Variants in DENR observed in about 807,000 individuals in gnomAD.
The protein encoded by DENR is density regulated re-initiation and release factor, also known as density-regulated protein.
In DENR, 6 loss-of-function variants were observed where a neutral mutation model predicts 30.6. That is an observed-to-expected ratio of 0.20 (90% CI 0.11 to 0.39). The LOEUF (loss-of-function observed/expected upper bound fraction) is 0.39. Ranked by LOEUF, DENR falls within the 10% of genes least tolerant of loss-of-function variation. The pLI is 1.00. For missense variants in DENR, 141 were observed against 230.9 expected (o/e 0.61, Z 2.52); for synonymous variants, 78 against 72.1 (o/e 1.08, Z -0.41).
At position 122,767,489 on chromosome 12, in the gene DENR, T is replaced by C; in HGVS notation, c.297T>C (p.Gly99=). Residue 99 remains glycine (G), a splice_region_variant and synonymous_variant, in exon 6 of 8, where the codon GGT becomes GGC. Coordinates refer to ENST00000280557, the MANE Select transcript of DENR (RefSeq NM_003677.5). ...EEEEKKKQKR[G]GRGQIKQKKK... ...TAAGCTCTTTCTTAATAAATAAAGGTGGAAGGGGTCAAATAAAACAAAAAA... is the reference window on the plus strand; with the variant it reads ...TAAGCTCTTTCTTAATAAATAAAGGCGGAAGGGGTCAAATAAAACAAAAAA... 6.5e-7 allele frequency: 1 copy of C among 1,542,640 alleles called. No homozygotes were observed. Among genetic ancestry groups the C allele is most frequent in the Non-Finnish European group, 8.7e-7 (1 of 1,143,736 alleles).
At chr12:122,765,092 G>T (rs1878812450) in intron 4 of DENR, among the ~76,000 whole-genome samples, 1 of 152,126 alleles carries the variant, frequency 6.6e-6, no homozygotes, top group Non-Finnish European at 1.5e-5. Flanking sequence ...TCAAAAGACT[G>T]GGTTTTCTCT....
At chr12:122,759,010 A>G (rs561936134) in intron 2 of DENR, among the ~76,000 whole-genome samples, 1 of 151,466 alleles carries the variant, frequency 6.6e-6, no homozygotes, top group African/African-American at 2.4e-5. Flanking sequence ...ACACCCGGCT[A>G]ATTTTTGTAT....
intron 2 of DENR, among the ~76,000 whole-genome samples, chr12:122,754,571 G>A (rs1183890263): frequency 6.6e-6 from 1 of 152,182 alleles, no homozygotes; most frequent in African/African-American, 2.4e-5. Flanking sequence ...TGGGGCCTGA[G>A]TAGTGAATAA....
At chr12:122,756,544 T>A (rs897020736) in intron 2 of DENR, among the ~76,000 whole-genome samples, 9 of 152,128 alleles carry the variant, frequency 5.9e-5, no homozygotes, top group Non-Finnish European at 1.3e-4. Context: ...GGGGAAGACT[T>A]CATAGAGGCA....
chr12:122,755,334 C>T (rs762219597), intron 2 of DENR, among the ~76,000 whole-genome samples: 91 of 152,170 alleles, frequency 6.0e-4, no homozygotes, highest in Non-Finnish European at 9.8e-4. Flanking sequence ...AATCCCAGCA[C>T]TTTGGGAGGC....
chr12:122,754,393 T>C (rs548841776), intron 2 of DENR: 1 of 153,064 alleles, frequency 6.5e-6, no homozygotes, highest in South Asian at 2.0e-4. Flanking sequence ...CGAGTGTTTT[T>C]CTTCATTTTC....
chr12:122,760,469 C>A (rs1448216769), intron 2 of DENR, among the ~76,000 whole-genome samples: 3 of 152,112 alleles, frequency 2.0e-5, no homozygotes, highest in Non-Finnish European at 4.4e-5. Flanking sequence ...CGGTGGCTCA[C>A]TCCTGTAATC....
chr12:122,758,906 G>A (rs2135509117), intron 2 of DENR, among the ~76,000 whole-genome samples: 1 of 150,996 alleles, frequency 6.6e-6, no homozygotes, highest in South Asian at 2.1e-4. Context: ...GAGTGCAGTG[G>A]CAGTCTCAGC....
Position 122,769,167 on chromosome 12 carries a change from CACATATATAT to C in DENR, c.*90_*99del, listed in dbSNP as rs1427195970. The C allele has an allele frequency of 4.5e-6, 5 of 1,100,546 alleles. No individual in the cohort carries two copies. The South Asian group carries it at 1.1e-4, about 23-fold the overall frequency. 68.2% of individuals were successfully genotyped at this position (1,100,546 alleles called of 1,614,324 possible). Reference sequence around the variant, plus strand: ...GCCTTTTAAAATATATATATATATACACATATATATGTATATATACACATATATGTATGTA... The same window carrying C: ...GCCTTTTAAAATATATATATATATACGTATATATACACATATATGTATGTA... On this transcript the variant is annotated 3_prime_UTR_variant, in exon 8 of 8. Coordinates refer to ENST00000280557, the MANE Select transcript of DENR (RefSeq NM_003677.5).
rs372996717 is a variant in DENR, at chr12:122,762,952, A to G, written c.211+23A>G. Reference sequence around the variant, plus strand: ...TAGGTATGAACATTTTTTTTCTTGCATTAAACTTCTGTACCTGAGACAAAT... The same window carrying G: ...TAGGTATGAACATTTTTTTTCTTGCGTTAAACTTCTGTACCTGAGACAAAT... On this transcript the variant is annotated intron_variant, in intron 4 of 7. Coordinates refer to ENST00000280557, the MANE Select transcript of DENR (RefSeq NM_003677.5). The G allele has an allele frequency of 5.2e-5, 72 of 1,383,344 alleles. No individual in the cohort carries two copies. In the African/African-American group the frequency reaches 6.4e-4, roughly 12 times the overall value. The allele number at this position is 1,383,344 out of a possible 1,614,324, so 85.7% of individuals were successfully genotyped here.
rs1377774199 is a variant in DENR at position 122,770,941 on chromosome 12, A to G, written c.*1863A>G. On this transcript the variant is annotated 3_prime_UTR_variant, in exon 8 of 8. Coordinates refer to ENST00000280557, the MANE Select transcript of DENR (RefSeq NM_003677.5). ...AAGATGTCTGTGTGCCTGTATCAACATGTGACTTCATGTAAAGTTTCTTTG... is the reference window on the plus strand; with the variant it reads ...AAGATGTCTGTGTGCCTGTATCAACGTGTGACTTCATGTAAAGTTTCTTTG... 5 of 388,200 alleles carry G rather than the reference A, an allele frequency of 1.3e-5. No homozygotes were observed. The highest frequency in any genetic ancestry group is 4.1e-5 in the African/African-American group (2 of 48,368). 24.0% of individuals were successfully genotyped at this position (388,200 alleles called of 1,614,324 possible).
chr12:122,767,699 A>G, intron 6 of DENR, 95 bp downstream of exon 6: 2 of 604,134 alleles, frequency 3.3e-6, no homozygotes, highest in Non-Finnish European at 5.1e-6. Flanking sequence ...ACATACCATG[A>G]AAACTTCACA....
Position 122,769,494 on chromosome 12 carries a change from T to TTCTCTC in DENR, c.*432_*437dup, listed in dbSNP as rs150720730. The stretch of plus-strand genomic sequence containing the variant: ...AAATTTTGGTCATTTGGTACTGACT[T>TTCTCTC]TCTCTCTCTCTCTCTCTCTCTTTTT... On this transcript the variant is annotated 3_prime_UTR_variant, in exon 8 of 8. Coordinates refer to ENST00000280557, the MANE Select transcript of DENR (RefSeq NM_003677.5). The TTCTCTC allele has an allele frequency of 1.4e-4, 123 of 894,718 alleles. 1 individual carries two copies. In the South Asian group the frequency reaches 1.9e-3, roughly 14 times the overall value. 55.4% of individuals were successfully genotyped at this position (894,718 alleles called of 1,614,324 possible). A position where few individuals can be genotyped will look rare whatever the true frequency, so the allele number is the denominator to read the frequency against.
At chr12:122,767,266 A>G (rs1318272449) in intron 5 of DENR, among the ~76,000 whole-genome samples, 1 of 152,222 alleles carries the variant, frequency 6.6e-6, no homozygotes, top group African/African-American at 2.4e-5. Context: ...TCTGGAGGGC[A>G]GGGGCTATGT....
intron 2 of DENR, among the ~76,000 whole-genome samples, chr12:122,759,005 C>A (rs543569243): frequency 6.6e-6 from 1 of 151,824 alleles, no homozygotes; most frequent in Non-Finnish European, 1.5e-5. Context: ...CCACCACACC[C>A]GGCTAATTTT....
intron 2 of DENR, 98 bp downstream of exon 2, chr12:122,753,905 C>A: frequency 9.7e-7 from 1 of 1,033,180 alleles, no homozygotes; most frequent in Non-Finnish European, 1.5e-6. Context: ...CCATCCTTTT[C>A]ATTTGGTGAG....
At chr12:122,765,027 G>A (rs1566060501) in intron 4 of DENR, among the ~76,000 whole-genome samples, 1 of 152,216 alleles carries the variant, frequency 6.6e-6, no homozygotes, top group Non-Finnish European at 1.5e-5. Context: ...CACTCCTGCA[G>A]AGCCCAAGTG....
At chr12:122,761,284 C>T (rs192562122) in intron 2 of DENR, among the ~76,000 whole-genome samples, 2 of 151,760 alleles carry the variant, frequency 1.3e-5, no homozygotes, top group Admixed American at 6.6e-5. Flanking sequence ...TGGTGGCACA[C>T]GCCTGTAATC....
intron 2 of DENR, among the ~76,000 whole-genome samples, chr12:122,761,379 T>A (rs1018757277): frequency 6.6e-6 from 1 of 151,666 alleles, no homozygotes; most frequent in South Asian, 2.1e-4. Context: ...GCCTCTGCAC[T>A]CCAGCCTGGC....
Sources: gnomAD v4.1 joint callset for allele counts (sites outside exome capture counted in the v4.1 genomes callset) on GRCh38, gnomAD v4.1.1 for gene constraint, MANE v1.5 for transcripts, NCBI Gene and HGNC (gene_info 2026-07-23, HGNC 2026-07-21) for gene names.